The following CWC27 variants were observed in gnomAD, a reference collection of about 807,000 sequenced individuals.
CWC27 encodes spliceosome-associated protein CWC27 homolog.
CWC27 carries 47 observed loss-of-function variants against 63.6 expected under a neutral mutation model. The observed-to-expected ratio is 0.74, with a 90% CI of 0.58 to 0.94. The LOEUF (loss-of-function observed/expected upper bound fraction) is 0.94, where lower values mean the gene tolerates loss of function less well. Ranked by LOEUF, CWC27 falls within the 40% of genes least tolerant of loss-of-function variation. The pLI is 0.00. For missense variants in CWC27, 495 were observed against 554.3 expected (o/e 0.89, Z 1.07); for synonymous variants, 175 against 179.8 (o/e 0.97, Z 0.22).
At chr5:64,873,979 T>C (rs960519104) in intron 10 of CWC27, among the ~76,000 whole-genome samples, 1 of 152,078 alleles carries the variant, frequency 6.6e-6, no homozygotes, top group Non-Finnish European at 1.5e-5. Context: ...CAGTTGACTG[T>C]AAATATGTGT....
At chr5:64,849,540 G>A (rs146941821) in intron 10 of CWC27, among the ~76,000 whole-genome samples, 16 of 151,902 alleles carry the variant, frequency 1.1e-4, no homozygotes, top group African/African-American at 3.1e-4. Context: ...TGCTGTTCTC[G>A]TGAAAGAGTT....
At chr5:64,769,262 TG>T (rs1193776527) in intron 1 of CWC27, 74 bp downstream of exon 1, 44 of 1,383,564 alleles carry the variant, frequency 3.2e-5, no homozygotes, top group Admixed American at 6.8e-5. Flanking sequence ...GGGTGGGGAG[TG>T]GGTTTCAGGA....
rs35301190 is a variant in CWC27 at position 64,979,965 on chromosome 5, TA to T, written c.1256+2747del. ...ATTCAGCAGCATTATACTTTTTATG[TA>T]AAAAAAAAAAAAAAAAAAAGAGAGA... On this transcript the variant is annotated intron_variant, in intron 13 of 13. Coordinates refer to ENST00000381070, the MANE Select transcript of CWC27 (RefSeq NM_005869.4). 5.6e-3 allele frequency among the ~76,000 whole-genome samples: 628 copies of T among 112,240 alleles called. 2 individuals carry two copies. The highest frequency in any genetic ancestry group is 0.012 in the African/African-American group (355 of 29,580). 73.6% of individuals were successfully genotyped at this position (112,240 alleles called of 152,430 possible). A position where few individuals can be genotyped will look rare whatever the true frequency, so the allele number is the denominator to read the frequency against.
intron 10 of CWC27, among the ~76,000 whole-genome samples, chr5:64,828,823 C>G (rs886263847): frequency 4.6e-5 from 7 of 152,040 alleles, no homozygotes; most frequent in Non-Finnish European, 7.4e-5. Context: ...CAGTTTACAA[C>G]AACACATCAA....
At chr5:64,920,871 G>T (rs889578558) in intron 11 of CWC27, among the ~76,000 whole-genome samples, 3 of 151,792 alleles carry the variant, frequency 2.0e-5, no homozygotes, top group Non-Finnish European at 1.5e-5. Context: ...CTACCTAGGG[G>T]TCTATCAATT....
chr5:64,821,773 C>G (rs1363932698), intron 10 of CWC27, among the ~76,000 whole-genome samples: 1 of 152,160 alleles, frequency 6.6e-6, no homozygotes, highest in Non-Finnish European at 1.5e-5. Context: ...TTCAGGATTA[C>G]TCTCCCAGAA....
At chr5:64,987,373 CT>C (rs1418113685) in intron 13 of CWC27, among the ~76,000 whole-genome samples, 1 of 152,092 alleles carries the variant, frequency 6.6e-6, no homozygotes, top group Non-Finnish European at 1.5e-5. Context: ...TACCTCTTCC[CT>C]TTGTATTCTA....
intron 1 of CWC27, chr5:64,773,781 T>A (rs184439898): frequency 6.6e-6 from 1 of 152,296 alleles, no homozygotes; most frequent in African/African-American, 2.4e-5. Context: ...ATAAACTGTT[T>A]CCTGTGGGCC....
chr5:64,820,116 T>G (rs943057780), intron 10 of CWC27, among the ~76,000 whole-genome samples: 1 of 152,244 alleles, frequency 6.6e-6, no homozygotes, highest in Non-Finnish European at 1.5e-5. Flanking sequence ...GTGTATTTAT[T>G]TGAACTGTTC....
At position 64,838,747 on chromosome 5, in the gene CWC27, AG is replaced by A. The variant is rs201811552; in HGVS notation, c.938+34362del. Among the ~76,000 whole-genome samples the A allele has an allele frequency of 3.1e-3, 479 of 152,334 alleles. 3 individuals carry two copies. Among genetic ancestry groups the A allele is most frequent in the East Asian group, 0.013 (66 of 5,190 alleles). ...GCTGAAATTTATAACTTTGAATTTT[AG>A]AGTAACCCAGTAAGCTCTTGATTAT... On this transcript the variant is annotated intron_variant, in intron 10 of 13. Coordinates refer to ENST00000381070, the MANE Select transcript of CWC27 (RefSeq NM_005869.4).
rs144404961 is a variant in CWC27 at position 64,921,013 on chromosome 5, G to A, written c.1042+35467G>A. On this transcript the variant is annotated intron_variant, in intron 11 of 13. Transcript: ENST00000381070. The stretch of plus-strand genomic sequence containing the variant: ...TAGGCTTTGGGGTTGGTTTGCTCTT[G>A]TTTCTCTAGGTACAATGTTACGTTA... 2.3e-3 allele frequency among the ~76,000 whole-genome samples: 345 copies of A among 152,034 alleles called. 1 individual carries two copies. The highest frequency in any genetic ancestry group is 7.9e-3 in the African/African-American group (327 of 41,496).
At chr5:64,975,717 A>T (rs1176851996) in intron 12 of CWC27, among the ~76,000 whole-genome samples, 1 of 152,162 alleles carries the variant, frequency 6.6e-6, no homozygotes, top group South Asian at 2.1e-4. Flanking sequence ...ATTTGTATTC[A>T]TCTTTCACTT....
chr5:64,792,376 G>T (rs559996645), intron 7 of CWC27, among the ~76,000 whole-genome samples: 1 of 152,090 alleles, frequency 6.6e-6, no homozygotes, highest in African/African-American at 2.4e-5. Context: ...ATGATTTGCT[G>T]CTCTATATGT....
chr5:64,855,571 C>T (rs1305587403), intron 10 of CWC27, among the ~76,000 whole-genome samples: 11 of 152,036 alleles, frequency 7.2e-5, no homozygotes, highest in Non-Finnish European at 1.2e-4. Context: ...ACAAGTAGAA[C>T]GTCTTTTAAA....
chr5:64,894,055 G>A (rs375598908), intron 11 of CWC27, among the ~76,000 whole-genome samples: 2 of 151,640 alleles, frequency 1.3e-5, no homozygotes, highest in East Asian at 1.9e-4. Context: ...TCAGCCTCCC[G>A]AGTAGCTGGA....
intron 13 of CWC27, among the ~76,000 whole-genome samples, chr5:65,017,245 C>T (rs11746804): frequency 0.014 from 2,164 of 152,028 alleles, 24 homozygotes; most frequent in Non-Finnish European, 0.022. Context: ...CGCTTGAACC[C>T]GGGAGGTGAA....
intron 11 of CWC27, among the ~76,000 whole-genome samples, chr5:64,964,762 G>C (rs1183077049): frequency 1.3e-5 from 2 of 152,160 alleles, no homozygotes; most frequent in African/African-American, 4.8e-5. Flanking sequence ...AATAATATTT[G>C]TTGCCCAACT....
At chr5:64,954,719 T>C (rs1748774112) in intron 11 of CWC27, among the ~76,000 whole-genome samples, 1 of 146,356 alleles carries the variant, frequency 6.8e-6, no homozygotes, top group South Asian at 2.2e-4. Context: ...ACTAAATATA[T>C]AGCCACAAGC....
intron 10 of CWC27, among the ~76,000 whole-genome samples, chr5:64,811,949 A>G (rs1028162005): frequency 2.6e-5 from 4 of 152,024 alleles, no homozygotes; most frequent in African/African-American, 7.2e-5. Context: ...GGTTTGAAAT[A>G]TATGATTAGG....
Sources: allele counts gnomAD v4.1 joint callset (sites outside exome capture counted in the v4.1 genomes callset), GRCh38; gene constraint gnomAD v4.1.1; transcripts MANE v1.5; gene names NCBI Gene and HGNC (gene_info 2026-07-23, HGNC 2026-07-21).